The following MBD5 variants were observed in gnomAD, a reference collection of about 807,000 sequenced individuals.
MBD5 encodes methyl-CpG binding domain protein 5, also known as methyl-CpG-binding domain protein 5.
In MBD5, 13 loss-of-function variants were observed where a neutral mutation model predicts 117.3. The observed-to-expected ratio is 0.11, with a 90% CI of 0.07 to 0.18. The LOEUF is 0.18. Ranked by LOEUF, MBD5 falls within the 10% of genes least tolerant of loss-of-function variation. The probability of loss-of-function intolerance (pLI) is 1.00; values close to 1 mark genes in which losing one functional copy is unlikely to be tolerated. For missense variants in MBD5, 1,879 were observed against 2,093.8 expected, an observed-to-expected ratio of 0.90 and a Z score of 2.00; for synonymous variants, 727 against 766.4, an observed-to-expected ratio of 0.95 and a Z score of 0.85.
rs1574181861 is a variant in MBD5, at chr2:148,241,523, C to T, written c.-680+8128C>T. Among the ~76,000 whole-genome samples, 5 of 152,184 alleles carry T rather than the reference C, an allele frequency of 3.3e-5. 1 individual carries two copies. Among genetic ancestry groups the T allele is most frequent in the Admixed American group, 3.3e-4 (5 of 15,276 alleles). ...TTTTGGAGTCTTCCCCATGCATGTA[C>T]AGTTTAGGTGCCAGCCTAGGTCGGA... is the stretch of plus-strand genomic sequence containing the variant. On this transcript the variant is annotated intron_variant, in intron 3 of 13. Transcript: ENST00000642680.
chr2:148,311,350 A>G (rs1702025873), intron 3 of MBD5, among the ~76,000 whole-genome samples: 1 of 152,156 alleles, frequency 6.6e-6, no homozygotes, highest in Non-Finnish European at 1.5e-5. Context: ...AGGTGCATAT[A>G]TATTAGGTTA....
intron 3 of MBD5, among the ~76,000 whole-genome samples, chr2:148,266,941 C>T (rs1440169355): frequency 5.3e-5 from 8 of 152,068 alleles, no homozygotes; most frequent in Non-Finnish European, 8.8e-5. Flanking sequence ...AGCAGAAGAA[C>T]AGATACTTAT....
In MBD5 at chr2:148,513,190, C is replaced by T. The variant is rs916790311; in HGVS notation, c.*249C>T. 6.2e-6 allele frequency: 3 copies of T among 486,958 alleles called. No individual in the cohort carries two copies. In the Admixed American group the frequency reaches 1.0e-4, roughly 17 times the overall value. The allele number at this position is 486,958 out of a possible 1,614,324, so 30.2% of individuals were successfully genotyped here. A position where few individuals can be genotyped will look rare whatever the true frequency, so the allele number is the denominator to read the frequency against. Reference sequence around the variant, plus strand: ...CAATGGTCAAGAGATTACTGAGAAACTCTTTTTCTATAATACTAAATTGTG... The same window carrying T: ...CAATGGTCAAGAGATTACTGAGAAATTCTTTTTCTATAATACTAAATTGTG... On this transcript the variant is annotated 3_prime_UTR_variant, in exon 14 of 14. Transcript: ENST00000642680.
At chr2:148,330,632 A>G (rs894240150) in intron 3 of MBD5, 7 of 152,180 alleles carry the variant, frequency 4.6e-5, no homozygotes, top group Admixed American at 3.9e-4. Context: ...TATGTTTTGT[A>G]GTTAATCAGG....
chr2:148,459,757 G>T (rs1176070042), intron 5 of MBD5, among the ~76,000 whole-genome samples: 1 of 152,094 alleles, frequency 6.6e-6, no homozygotes, highest in Admixed American at 6.6e-5. Flanking sequence ...GATATTTTTG[G>T]TTATGTAAAC....
Position 148,294,509 on chromosome 2 carries a change from T to TTTTTTTTGTTTG in MBD5, c.-679-47698_-679-47697insGTTTGTTTTTTT, listed in dbSNP as rs1553496253. ...AAAGTGCTGGGATTACAGTTTTTTTTTTTTTTTTTTTTGAGATAGAGCTGG... is the reference window on the plus strand; with the variant it reads ...AAAGTGCTGGGATTACAGTTTTTTTTTTTTTTTGTTTGTTTTTTTTTTTTGAGATAGAGCTGG... On this transcript the variant is annotated intron_variant, in intron 3 of 13. Coordinates refer to ENST00000642680, the MANE Select transcript of MBD5 (RefSeq NM_001378120.1). Among the ~76,000 whole-genome samples, 135 of 130,060 alleles carry TTTTTTTTGTTTG rather than the reference T, an allele frequency of 1.0e-3. 3 individuals carry two copies. Among genetic ancestry groups the TTTTTTTTGTTTG allele is most frequent in the Non-Finnish European group, 2.1e-3 (126 of 60,744 alleles). The allele number at this position is 130,060 out of a possible 152,430, so 85.3% of individuals were successfully genotyped here. A position where few individuals can be genotyped will look rare whatever the true frequency, so the allele number is the denominator to read the frequency against.
intron 3 of MBD5, among the ~76,000 whole-genome samples, chr2:148,273,927 T>C (rs1372227106): frequency 2.0e-5 from 3 of 152,216 alleles, no homozygotes; most frequent in African/African-American, 7.2e-5. Flanking sequence ...TTTGTACTTT[T>C]CAATGCTAGA....
At chr2:148,259,545 C>T (rs1480782075) in intron 3 of MBD5, among the ~76,000 whole-genome samples, 1 of 152,176 alleles carries the variant, frequency 6.6e-6, no homozygotes, top group African/African-American at 2.4e-5. Flanking sequence ...TATGCCAATT[C>T]TCAGGTTCTA....
intron 1 of MBD5, among the ~76,000 whole-genome samples, chr2:148,133,905 A>G (rs922069089): frequency 6.6e-6 from 1 of 152,196 alleles, no homozygotes; most frequent in African/African-American, 2.4e-5. Flanking sequence ...CTACTTTTAA[A>G]AGTAATTTAA....
chr2:148,326,323 G>T (rs1271656271), intron 3 of MBD5, among the ~76,000 whole-genome samples: 1 of 152,178 alleles, frequency 6.6e-6, no homozygotes, highest in East Asian at 1.9e-4. Context: ...TTGATTTGGG[G>T]TGGAGAGTTC....
intron 1 of MBD5, among the ~76,000 whole-genome samples, chr2:148,102,684 CAGAG>C (rs934577534): frequency 6.9e-5 from 10 of 145,306 alleles, no homozygotes; most frequent in South Asian, 4.3e-4. Flanking sequence ...CACACACACA[CAGAG>C]AGAGAGAGAG....
intron 3 of MBD5, chr2:148,296,710 A>C (rs900801146): frequency 1.9e-5 from 3 of 154,462 alleles, no homozygotes; most frequent in Non-Finnish European, 4.3e-5. Context: ...ATTGCAAAGC[A>C]TGGGCCACAA....
chr2:148,278,724 A>G (rs926138879), intron 3 of MBD5, among the ~76,000 whole-genome samples: 1 of 152,204 alleles, frequency 6.6e-6, no homozygotes, highest in Non-Finnish European at 1.5e-5. Context: ...TCACTTGATT[A>G]TGGAGGCAGA....
chr2:148,367,663 A>C (rs1487707530), intron 4 of MBD5, among the ~76,000 whole-genome samples: 3 of 152,132 alleles, frequency 2.0e-5, no homozygotes, highest in Non-Finnish European at 4.4e-5. Context: ...AAAAAATGGG[A>C]GAAGTATATG....
In MBD5 at chr2:148,048,829, A is replaced by G. The variant is rs191093757; in HGVS notation, c.-925+27145A>G. On this transcript the variant is annotated intron_variant, in intron 1 of 13. Coordinates refer to ENST00000642680, the MANE Select transcript of MBD5 (RefSeq NM_001378120.1). ...AGTTACTACTTTGCTCCCTTGAGAA[A>G]AGAAGTGAATAAATTTCCTAGGGTG... Among the ~76,000 whole-genome samples the G allele has an allele frequency of 1.2e-4, 19 of 152,256 alleles. 1 individual carries two copies. Among genetic ancestry groups the G allele is most frequent in the Admixed American group, 1.2e-3 (19 of 15,290 alleles).
chr2:148,270,921 C>T (rs1025651876), intron 3 of MBD5, among the ~76,000 whole-genome samples: 1 of 152,060 alleles, frequency 6.6e-6, no homozygotes, highest in African/African-American at 2.4e-5. Flanking sequence ...AAACAGATAG[C>T]CCTTTATTCC....
intron 1 of MBD5, among the ~76,000 whole-genome samples, chr2:148,081,343 T>G (rs767567650): frequency 6.6e-6 from 1 of 152,140 alleles, no homozygotes; most frequent in Non-Finnish European, 1.5e-5. Context: ...TGGTATTTGT[T>G]GAATGAATGA....
chr2:148,404,296 T>C (rs1258880622), intron 4 of MBD5, among the ~76,000 whole-genome samples: 2 of 152,332 alleles, frequency 1.3e-5, no homozygotes, highest in Non-Finnish European at 2.9e-5. Context: ...TAAGTCCTCT[T>C]ATTCTCCACT....
chr2:148,099,935 G>A (rs1696163241), intron 1 of MBD5, among the ~76,000 whole-genome samples: 2 of 152,100 alleles, frequency 1.3e-5, no homozygotes, highest in South Asian at 4.1e-4. Flanking sequence ...ATTATTTGAT[G>A]CTAGGTATGA....
Sources: gnomAD v4.1 joint callset for allele counts (sites outside exome capture counted in the v4.1 genomes callset) on GRCh38, gnomAD v4.1.1 for gene constraint, MANE v1.5 for transcripts, NCBI Gene and HGNC (gene_info 2026-07-23, HGNC 2026-07-21) for gene names.